The following ARV1 variants were observed in gnomAD, a reference collection of about 807,000 sequenced individuals.
ARV1 encodes protein ARV1.
Under a neutral mutation model 31.1 loss-of-function variants are expected in ARV1, and 26 were observed. That is an observed-to-expected ratio of 0.84 (90% CI 0.61 to 1.16). The LOEUF (loss-of-function observed/expected upper bound fraction) is 1.16, where lower values mean the gene tolerates loss of function less well. ARV1 is among the 50% of genes most tolerant of loss of function. The pLI is 0.00. For synonymous variants in ARV1, 117 were observed against 123.2 expected, an observed-to-expected ratio of 0.95 and a Z score of 0.34; for missense variants, 281 against 324.9, an observed-to-expected ratio of 0.86 and a Z score of 1.04.
intron 1 of ARV1, among the ~76,000 whole-genome samples, chr1:230,985,463 T>G (rs1304668241): frequency 6.6e-6 from 1 of 152,158 alleles, no homozygotes; most frequent in Non-Finnish European, 1.5e-5. Flanking sequence ...TCCTGGTCCA[T>G]AAAATGGCCA....
intron 5 of ARV1, among the ~76,000 whole-genome samples, chr1:230,999,065 C>A (rs962091057): frequency 3.3e-5 from 5 of 152,190 alleles, no homozygotes; most frequent in African/African-American, 1.2e-4. Flanking sequence ...GACTTCTTTG[C>A]CTGTGCCAGG....
chr1:230,994,706 T>C (rs1247591908), intron 3 of ARV1, among the ~76,000 whole-genome samples: 2 of 152,116 alleles, frequency 1.3e-5, no homozygotes, highest in Non-Finnish European at 2.9e-5. Flanking sequence ...CACTCCCGGC[T>C]AATTGTTTTT....
intron 4 of ARV1, 116 bp downstream of exon 4, chr1:230,996,100 T>C: frequency 1.3e-6 from 1 of 755,194 alleles, no homozygotes; most frequent in East Asian, 2.6e-5. Context: ...CTTCATCGCA[T>C]AGTAATAATA....
intron 1 of ARV1, among the ~76,000 whole-genome samples, chr1:230,984,304 C>G (rs1429495704): frequency 6.6e-6 from 1 of 151,196 alleles, no homozygotes; most frequent in African/African-American, 2.4e-5. Flanking sequence ...AAATACAACT[C>G]CCAGTGGTCT....
In ARV1 at chr1:230,979,134, A is replaced by G. The variant is rs747844345; in HGVS notation, c.29A>G (p.Gln10Arg). ...GGCAACGGCGGGCGGAGCGGCCTGC[A>G]GCAGGGGAAGGGGAACGTGGATGGG... MGNGGRSGLQQGKGNVDGVA... is the reference protein window; with the variant it reads MGNGGRSGLRQGKGNVDGVA... The change falls in exon 1 of 6, where the codon CAG becomes CGG. Residue 10 changes from glutamine to arginine, a missense_variant. Transcript: ENST00000310256. 22 of 1,608,618 alleles carry G rather than the reference A, an allele frequency of 1.4e-5. No homozygotes were observed. Among genetic ancestry groups the G allele is most frequent in the Non-Finnish European group, 1.8e-5 (21 of 1,178,592 alleles).
chr1:230,985,431 G>A (rs1195917532), intron 1 of ARV1, among the ~76,000 whole-genome samples: 2 of 152,166 alleles, frequency 1.3e-5, no homozygotes, highest in Non-Finnish European at 2.9e-5. Context: ...GGCTGAAGGT[G>A]AATATCTAGC....
intron 1 of ARV1, among the ~76,000 whole-genome samples, chr1:230,983,073 A>G (rs889225892): frequency 3.9e-5 from 6 of 152,002 alleles, no homozygotes; most frequent in Admixed American, 3.3e-4. Flanking sequence ...CTTTTAACCA[A>G]TCCTGCTGCT....
At position 230,979,098 on chromosome 1, in the gene ARV1, G is replaced by A; in HGVS notation, c.-8G>A. The A allele has an allele frequency of 1.2e-6, 2 of 1,607,224 alleles. No individual in the cohort carries two copies. The highest frequency in any genetic ancestry group is 4.5e-5 in the East Asian group (2 of 44,536). ...GAATCGGAAGTTCTGGACTGCAGTT[G>A]AGTGGAAATGGGCAACGGCGGGCGG... On this transcript the variant is annotated 5_prime_UTR_variant, in exon 1 of 6. Coordinates refer to ENST00000310256, the MANE Select transcript of ARV1 (RefSeq NM_022786.3).
intron 3 of ARV1, 24 bp from the exon 4 acceptor site, chr1:230,995,736 T>C: frequency 6.3e-7 from 1 of 1,579,114 alleles, no homozygotes; most frequent in Admixed American, 1.7e-5. Flanking sequence ...ACATTCATAC[T>C]TTTATTTTCC....
rs769699594 is a variant in ARV1 at position 230,979,100 on chromosome 1, G to C, written c.-6G>C. 3 of 1,607,602 alleles carry C rather than the reference G, an allele frequency of 1.9e-6. No individual in the cohort carries two copies. Among genetic ancestry groups the C allele is most frequent in the African/African-American group, 1.3e-5 (1 of 74,708 alleles). On this transcript the variant is annotated 5_prime_UTR_variant, in exon 1 of 6. Coordinates refer to ENST00000310256, the MANE Select transcript of ARV1 (RefSeq NM_022786.3). The stretch of plus-strand genomic sequence containing the variant: ...ATCGGAAGTTCTGGACTGCAGTTGA[G>C]TGGAAATGGGCAACGGCGGGCGGAG...
At position 231,000,591 on chromosome 1, in the gene ARV1, A is replaced by G. The variant is rs1179229339; in HGVS notation, c.*458A>G. On this transcript the variant is annotated 3_prime_UTR_variant, in exon 6 of 6. Transcript: ENST00000310256. Reference sequence around the variant, plus strand: ...CTTTTAATAAAGTCTTTCAGAATAAACCAAGTTTTTGTAAATTTTCAATTC... The same window carrying G: ...CTTTTAATAAAGTCTTTCAGAATAAGCCAAGTTTTTGTAAATTTTCAATTC... 6.6e-6 allele frequency: 1 copy of G among 152,244 alleles called. No individual in the cohort carries two copies. The highest frequency in any genetic ancestry group is 2.4e-5 in the African/African-American group (1 of 41,462). The allele number at this position is 152,244 out of a possible 1,614,324, so 9.4% of individuals were successfully genotyped here.
At chr1:230,981,143 A>T (rs1324561850) in intron 1 of ARV1, among the ~76,000 whole-genome samples, 1 of 151,414 alleles carries the variant, frequency 6.6e-6, no homozygotes, top group Admixed American at 6.6e-5. Flanking sequence ...CTTTTGCTTC[A>T]CCTCCCTTAC....
rs1363537164 is a variant in ARV1 at position 230,986,666 on chromosome 1, CTATTTTTTTT to C, written c.175-1652_175-1643del. The stretch of plus-strand genomic sequence containing the variant: ...TCCACCCACAAATGTAATACTTTTC[CTATTTTTTTT>C]TTTTTTTTTTTTTTTTTTTTTTTTT... On this transcript the variant is annotated intron_variant, in intron 1 of 5. Transcript: ENST00000310256. Among the ~76,000 whole-genome samples the C allele has an allele frequency of 1.9e-3, 155 of 79,714 alleles. 10 individuals are homozygous for C. Among genetic ancestry groups the C allele is most frequent in the Middle Eastern group, 6.8e-3 (1 of 148 alleles). 52.3% of individuals were successfully genotyped at this position (79,714 alleles called of 152,430 possible).
At chr1:230,993,516 T>G (rs1193227656) in intron 3 of ARV1, among the ~76,000 whole-genome samples, 1 of 152,242 alleles carries the variant, frequency 6.6e-6, no homozygotes, top group Non-Finnish European at 1.5e-5. Flanking sequence ...GTAGATATTT[T>G]GATGCTTAAT....
chr1:230,985,366 G>C (rs1679036457), intron 1 of ARV1, among the ~76,000 whole-genome samples: 1 of 152,152 alleles, frequency 6.6e-6, no homozygotes, highest in South Asian at 2.1e-4. Context: ...CCATATCATA[G>C]AGGCATGTTT....
intron 1 of ARV1, among the ~76,000 whole-genome samples, chr1:230,984,359 T>TGTGTGTGTGTGC (rs71179756): frequency 4.0e-4 from 37 of 93,516 alleles, no homozygotes; most frequent in African/African-American, 5.9e-4. Context: ...TGTGTGTGTG[T>TGTGTGTGTGTGC]GTGCGTGTGT....
chr1:230,984,361 T>TGTGTGC (rs10628275), intron 1 of ARV1, among the ~76,000 whole-genome samples: 11 of 103,400 alleles, frequency 1.1e-4, no homozygotes, highest in East Asian at 8.0e-4. Context: ...TGTGTGTGTG[T>TGTGTGC]GCGTGTGTGT....
At chr1:230,981,189 G>A (rs754873269) in intron 1 of ARV1, among the ~76,000 whole-genome samples, 6 of 152,056 alleles carry the variant, frequency 3.9e-5, no homozygotes, top group South Asian at 2.1e-4. Context: ...CATAGTCATC[G>A]TGCCTCTTTC....
chr1:230,989,712 C>T (rs1404688889), intron 2 of ARV1, among the ~76,000 whole-genome samples: 1 of 152,118 alleles, frequency 6.6e-6, no homozygotes, highest in African/African-American at 2.4e-5. Flanking sequence ...ATACATGAAT[C>T]ACATAAGTTT....
Sources: allele counts gnomAD v4.1 joint callset (sites outside exome capture counted in the v4.1 genomes callset), GRCh38; gene constraint gnomAD v4.1.1; transcripts MANE v1.5; gene names NCBI Gene and HGNC (gene_info 2026-07-23, HGNC 2026-07-21).